ZNF608: variants seen among roughly 807,000 people sequenced by gnomAD.
ZNF608 encodes zinc finger protein 608.
Under a neutral mutation model 109.0 loss-of-function variants are expected in ZNF608, and 12 were observed. That is an observed-to-expected ratio of 0.11 (90% CI 0.07 to 0.18). ZNF608 has a LOEUF of 0.18. Among genes scored for constraint, ZNF608 ranks in the 10% least tolerant of loss-of-function variants. The probability of loss-of-function intolerance (pLI) is 1.00; values close to 1 mark genes in which losing one functional copy is unlikely to be tolerated. For synonymous variants in ZNF608, 732 were observed against 717.4 expected (o/e 1.02, Z -0.33); for missense variants, 1,707 against 1,879.3 (o/e 0.91, Z 1.70).
rs569978141 is a variant in ZNF608, at chr5:124,714,500, G to C, written c.907-13231C>G. Among the ~76,000 whole-genome samples, 22 of 152,270 alleles carry C rather than the reference G, an allele frequency of 1.4e-4. No homozygotes were observed. The East Asian group carries it at 2.3e-3, about 16-fold the overall frequency. ...ACTGGGTAATATAGTGTAATAAATA[G>C]GAGTGTGGTCTCTGTGCTTCAATCT... On this transcript the variant is annotated intron_variant, in intron 2 of 9. Transcript: ENST00000513986.
chr5:124,648,576 C>A lies in ZNF608; in HGVS notation c.1808G>T (p.Ser603Ile). 1 of 1,614,254 alleles carries A rather than the reference C, an allele frequency of 6.2e-7. No homozygotes were observed. Among genetic ancestry groups the A allele is most frequent in the Non-Finnish European group, 8.5e-7 (1 of 1,180,050 alleles). ...CTCACTGCATTCAAGTGCCACATTA[C>A]TCAATCCTTCCTCACAGTCCGAGAT... ...DKISDCEEGLSNVALECSEPS... is the reference protein window; with the variant it reads ...DKISDCEEGLINVALECSEPS... The change falls in exon 5 of 10, where the codon AGT becomes ATT. Residue 603 changes from serine (S) to isoleucine (I), a missense_variant. Ser to Ile is a moderately radical substitution (Grantham distance 142). Coordinates refer to ENST00000513986, the MANE Select transcript of ZNF608 (RefSeq NM_020747.3).
At chr5:124,699,910 C>T (rs975873465) in intron 3 of ZNF608, among the ~76,000 whole-genome samples, 2 of 152,186 alleles carry the variant, frequency 1.3e-5, no homozygotes, top group Admixed American at 1.3e-4. Flanking sequence ...TTCACCTTCT[C>T]CCTTTGAGTT....
At chr5:124,680,197 C>T (rs749452265) in intron 3 of ZNF608, among the ~76,000 whole-genome samples, 5 of 151,838 alleles carry the variant, frequency 3.3e-5, no homozygotes, top group African/African-American at 9.7e-5. Context: ...ACTAGATCTC[C>T]GTAGAAGGAT....
chr5:124,640,870 C>G (rs1750206049), intron 8 of ZNF608, among the ~76,000 whole-genome samples: 1 of 152,184 alleles, frequency 6.6e-6, no homozygotes, highest in Non-Finnish European at 1.5e-5. Flanking sequence ...AAAAGGCATG[C>G]AGAAATCAGA....
At chr5:124,663,247 T>C (rs1384972101) in intron 3 of ZNF608, among the ~76,000 whole-genome samples, 1 of 152,152 alleles carries the variant, frequency 6.6e-6, no homozygotes, top group African/African-American at 2.4e-5. Flanking sequence ...CCGGTTTTCT[T>C]TGAAAGAGAA....
At chr5:124,644,189 T>C (rs931926031) in intron 6 of ZNF608, 55 bp downstream of exon 6, 3 of 1,452,668 alleles carry the variant, frequency 2.1e-6, no homozygotes, top group Non-Finnish European at 2.8e-6. Flanking sequence ...TTTTAACAGC[T>C]AATATTTGAA....
At chr5:124,678,251 C>G (rs927660034) in intron 3 of ZNF608, among the ~76,000 whole-genome samples, 1 of 152,136 alleles carries the variant, frequency 6.6e-6, no homozygotes. Context: ...GAATGTTGAT[C>G]CAGGCATTAC....
chr5:124,710,134 T>C, intron 2 of ZNF608: 1 of 435,142 alleles, frequency 2.3e-6, no homozygotes, highest in South Asian at 1.7e-5. Context: ...TATTTCTCCT[T>C]GAAATTAGGT....
chr5:124,732,350 C>T (rs1167183009), intron 2 of ZNF608, among the ~76,000 whole-genome samples: 23 of 151,958 alleles, frequency 1.5e-4, no homozygotes, highest in African/African-American at 2.4e-5. Context: ...GGGTTTCACT[C>T]CCAAGATTAA....
chr5:124,716,149 A>G (rs1463048538), intron 2 of ZNF608, among the ~76,000 whole-genome samples: 1 of 150,360 alleles, frequency 6.7e-6, no homozygotes, highest in Non-Finnish European at 1.5e-5. Flanking sequence ...TCTCAAAAAA[A>G]AAAAAAAAAA....
chr5:124,713,610 CTT>C (rs1202347997), intron 2 of ZNF608, among the ~76,000 whole-genome samples: 2 of 152,182 alleles, frequency 1.3e-5, no homozygotes, highest in South Asian at 4.1e-4. Context: ...TGTTTTCTCT[CTT>C]GTTATCCAAG....
chr5:124,675,407 TTCCTGCAGGAAAA>T (rs1751901968), intron 3 of ZNF608, among the ~76,000 whole-genome samples: 1 of 152,240 alleles, frequency 6.6e-6, no homozygotes. Flanking sequence ...GACTGCTTTC[TTCCTGCAGGAAAA>T]TTTACAAAAA....
At chr5:124,724,264 CTG>C (rs1047024365) in intron 2 of ZNF608, among the ~76,000 whole-genome samples, 2 of 151,924 alleles carry the variant, frequency 1.3e-5, no homozygotes, top group Non-Finnish European at 2.9e-5. Context: ...ACATACAAAA[CTG>C]TTCAAAATAA....
intron 5 of ZNF608, among the ~76,000 whole-genome samples, chr5:124,646,307 A>G (rs890947142): frequency 3.3e-5 from 5 of 152,320 alleles, no homozygotes; most frequent in Middle Eastern, 3.4e-3. Flanking sequence ...GCAGAGAGCC[A>G]AGATTGCACC....
chr5:124,643,348 C>A (rs1461499380), intron 7 of ZNF608, among the ~76,000 whole-genome samples, 163 bp downstream of exon 7: 1 of 152,096 alleles, frequency 6.6e-6, no homozygotes, highest in African/African-American at 2.4e-5. Context: ...TGTGTGAAAG[C>A]GTCTTACTTT....
upstream of ZNF608, among the ~76,000 whole-genome samples, chr5:124,747,730 A>G (rs1749689687): frequency 1.3e-5 from 2 of 151,996 alleles, no homozygotes; most frequent in South Asian, 4.2e-4. Context: ...AGCGAAATGT[A>G]ATGAGCACAA....
chr5:124,707,713 T>G (rs1753317203), intron 2 of ZNF608: 1 of 152,206 alleles, frequency 6.6e-6, no homozygotes, highest in Admixed American at 6.5e-5. Context: ...GTCTCTTACT[T>G]TGCATTTTAA....
At chr5:124,726,896 C>T (rs1748634296) in intron 2 of ZNF608, among the ~76,000 whole-genome samples, 1 of 152,178 alleles carries the variant, frequency 6.6e-6, no homozygotes, top group Admixed American at 6.5e-5. Context: ...TAGGAAGCAT[C>T]TCCAGACAAA....
At chr5:124,673,148 A>G (rs1751799755) in intron 3 of ZNF608, among the ~76,000 whole-genome samples, 1 of 152,198 alleles carries the variant, frequency 6.6e-6, no homozygotes, top group South Asian at 2.1e-4. Flanking sequence ...CCCCACCATC[A>G]GTATGAGCAT....
Sources: allele counts gnomAD v4.1 joint callset (sites outside exome capture counted in the v4.1 genomes callset), GRCh38; gene constraint gnomAD v4.1.1; transcripts MANE v1.5; gene names NCBI Gene and HGNC (gene_info 2026-07-23, HGNC 2026-07-21).